Variants in SLC24A2 observed in about 807,000 individuals in gnomAD.
SLC24A2 encodes the protein sodium/potassium/calcium exchanger 2.
Under a neutral mutation model 62.0 loss-of-function variants are expected in SLC24A2, and 36 were observed. The observed-to-expected ratio is 0.58, with a 90% confidence interval of 0.44 to 0.77. The LOEUF (loss-of-function observed/expected upper bound fraction) is 0.77. SLC24A2 is among the 30% of genes least tolerant of loss of function. The pLI is 0.00. For missense variants in SLC24A2, 846 were observed against 817.9 expected (o/e 1.03, Z -0.42); for synonymous variants, 358 against 294.0 (o/e 1.22, Z -2.23).
At chr9:19,660,155 T>C (rs1819055012) in intron 2 of SLC24A2, among the ~76,000 whole-genome samples, 1 of 152,202 alleles carries the variant, frequency 6.6e-6, no homozygotes, top group Admixed American at 6.5e-5. Flanking sequence ...TGCCTGTGTC[T>C]CTACATATCC....
At chr9:19,870,561 T>C in the SLC24A2 span, among the ~76,000 whole-genome samples, 2 of 152,182 alleles carry the variant, frequency 1.3e-5, no homozygotes, top group Non-Finnish European at 2.9e-5. Context: ...TAATCCTGTG[T>C]TTAATCTTTT....
At chr9:20,057,401 C>G in the SLC24A2 span, among the ~76,000 whole-genome samples, 1 of 152,174 alleles carries the variant, frequency 6.6e-6, no homozygotes, top group African/African-American at 2.4e-5. Flanking sequence ...ACTCCTTTCT[C>G]CTGTAGTAGG....
chr9:19,605,957 C>T (rs1836971735), intron 4 of SLC24A2, among the ~76,000 whole-genome samples: 1 of 152,210 alleles, frequency 6.6e-6, no homozygotes, highest in South Asian at 2.1e-4. Context: ...ACTAACTCTG[C>T]TACTTCTCCC....
intron 5 of SLC24A2, among the ~76,000 whole-genome samples, chr9:19,579,137 A>C (rs1255006273): frequency 1.3e-5 from 2 of 152,186 alleles, no homozygotes; most frequent in Non-Finnish European, 1.5e-5. Context: ...TTTCTATTTA[A>C]TTTCCAAGGG....
chr9:20,261,866 A>C, the SLC24A2 span, among the ~76,000 whole-genome samples: 1 of 146,694 alleles, frequency 6.8e-6, no homozygotes, highest in Non-Finnish European at 1.5e-5. Flanking sequence ...CAGCCTCCCG[A>C]GTAGCCGGGA....
At chr9:20,028,234 C>A in the SLC24A2 span, among the ~76,000 whole-genome samples, 70 of 152,142 alleles carry the variant, frequency 4.6e-4, no homozygotes, top group Admixed American at 1.1e-3. Context: ...TGGGGTACAG[C>A]CCTCATTTCC....
chr9:20,164,182 C>A, the SLC24A2 span, among the ~76,000 whole-genome samples: 38 of 152,052 alleles, frequency 2.5e-4, no homozygotes, highest in African/African-American at 6.7e-4. Flanking sequence ...AGCTACCATC[C>A]GAGTGAACAG....
intron 2 of SLC24A2, among the ~76,000 whole-genome samples, chr9:19,708,043 C>A (rs1251253099): frequency 3.3e-5 from 5 of 152,112 alleles, no homozygotes; most frequent in African/African-American, 9.7e-5. Flanking sequence ...AGCTGATAAG[C>A]AAATTCAGCA....
At chr9:19,535,652 T>C (rs200634045) in intron 8 of SLC24A2, among the ~76,000 whole-genome samples, 5 of 152,104 alleles carry the variant, frequency 3.3e-5, no homozygotes, top group Non-Finnish European at 7.4e-5. Context: ...TGTCAAAGAT[T>C]AGATGATTGT....
the SLC24A2 span, among the ~76,000 whole-genome samples, chr9:20,098,414 G>T: frequency 4.2e-4 from 64 of 152,312 alleles, no homozygotes; most frequent in African/African-American, 1.5e-3. Flanking sequence ...ATAGAATCAA[G>T]ATAGATACTA....
At chr9:19,771,482 T>G (rs1822686270) in intron 2 of SLC24A2, among the ~76,000 whole-genome samples, 1 of 152,226 alleles carries the variant, frequency 6.6e-6, no homozygotes, top group Non-Finnish European at 1.5e-5. Flanking sequence ...ATAGTAGATT[T>G]GTAATGGCCC....
chr9:19,545,570 G>T (rs182263654), intron 8 of SLC24A2, among the ~76,000 whole-genome samples: 6 of 151,984 alleles, frequency 3.9e-5, no homozygotes, highest in African/African-American at 2.4e-5. Context: ...TTTATCTACC[G>T]TCGGTCTTTG....
At chr9:19,813,392 G>A in the SLC24A2 span, among the ~76,000 whole-genome samples, 3 of 131,190 alleles carry the variant, frequency 2.3e-5, no homozygotes, top group South Asian at 2.4e-4. Flanking sequence ...GCACGATCTC[G>A]GCTCACTGCA....
chr9:19,582,253 C>T (rs1479346380), intron 5 of SLC24A2, among the ~76,000 whole-genome samples: 8 of 152,136 alleles, frequency 5.3e-5, no homozygotes, highest in African/African-American at 1.9e-4. Flanking sequence ...GGAAAAACAA[C>T]GTTTGGAGGG....
At chr9:20,287,505 G>A in the SLC24A2 span, among the ~76,000 whole-genome samples, 36 of 152,298 alleles carry the variant, frequency 2.4e-4, no homozygotes, top group African/African-American at 8.7e-4. Flanking sequence ...GAACAAAAGG[G>A]TTGGTAGCCT....
the SLC24A2 span, among the ~76,000 whole-genome samples, chr9:20,071,074 G>T: frequency 1.1e-3 from 172 of 152,154 alleles, 1 homozygote; most frequent in Non-Finnish European, 1.8e-3. Context: ...TTCCTCTTTG[G>T]CCATGTGAAG....
At chr9:20,279,049 C>A in the SLC24A2 span, among the ~76,000 whole-genome samples, 1 of 152,082 alleles carries the variant, frequency 6.6e-6, no homozygotes, top group South Asian at 2.1e-4. Context: ...TGGGGAAAAG[C>A]TGCTTATAAA....
chr9:19,704,503 T>C (rs1820451439), intron 2 of SLC24A2, among the ~76,000 whole-genome samples: 1 of 152,254 alleles, frequency 6.6e-6, no homozygotes, highest in Non-Finnish European at 1.5e-5. Context: ...TTCCTGTGTT[T>C]GTGTATTTGC....
the SLC24A2 span, among the ~76,000 whole-genome samples, chr9:20,002,277 G>C: frequency 2.6e-5 from 4 of 151,942 alleles, no homozygotes; most frequent in African/African-American, 9.7e-5. Context: ...TAGTTGAAAG[G>C]TGTCTCTGAG....
Sources: gnomAD v4.1 joint callset for allele counts (sites outside exome capture counted in the v4.1 genomes callset) on GRCh38, gnomAD v4.1.1 for gene constraint, MANE v1.5 for transcripts, NCBI Gene and HGNC (gene_info 2026-07-23, HGNC 2026-07-21) for gene names.